COBLL1: variants seen among roughly 807,000 people sequenced by gnomAD.
The protein encoded by COBLL1 is cordon-bleu WH2 repeat protein like 1.
A neutral mutation model predicts 94.8 loss-of-function variants in COBLL1; 50 were observed. The ratio of observed to expected loss-of-function variants is 0.53; its 90% CI spans 0.42 to 0.67. COBLL1 has a LOEUF of 0.67. Ranked by LOEUF, COBLL1 falls within the 30% of genes least tolerant of loss-of-function variation. The probability of loss-of-function intolerance (pLI) is 0.00; values close to 1 mark genes in which losing one functional copy is unlikely to be tolerated. For synonymous variants in COBLL1, 448 were observed against 473.8 expected (o/e 0.95, Z 0.71); for missense variants, 1,362 against 1,348.7 (o/e 1.01, Z -0.15).
At chr2:164,818,156 GTGTA>G (rs1559045171) in intron 2 of COBLL1, among the ~76,000 whole-genome samples, 2 of 149,978 alleles carry the variant, frequency 1.3e-5, no homozygotes, top group African/African-American at 4.9e-5. Flanking sequence ...ACATGTATAC[GTGTA>G]TGTATACATG....
At chr2:164,724,664 T>C (rs1685627855) in intron 5 of COBLL1, 1 of 152,190 alleles carries the variant, frequency 6.6e-6, no homozygotes, top group Non-Finnish European at 1.5e-5. Flanking sequence ...AAATATTGTG[T>C]ATTAAAATTT....
chr2:164,758,967 A>G (rs887944834), intron 2 of COBLL1, among the ~76,000 whole-genome samples: 5 of 152,092 alleles, frequency 3.3e-5, no homozygotes, highest in Non-Finnish European at 7.4e-5. Context: ...TTAAATTTCA[A>G]ACACACACTA....
intron 1 of COBLL1, among the ~76,000 whole-genome samples, chr2:164,668,499 T>C (rs1180558894): frequency 1.3e-5 from 2 of 152,160 alleles, no homozygotes; most frequent in Non-Finnish European, 2.9e-5. Context: ...TCTCAGTTGT[T>C]TGCTGTCTTA....
chr2:164,785,024 T>G (rs980204580), intron 2 of COBLL1, among the ~76,000 whole-genome samples: 1 of 152,086 alleles, frequency 6.6e-6, no homozygotes, highest in African/African-American at 2.4e-5. Flanking sequence ...AGGCTGCAGG[T>G]GGGCTCTCTT....
intron 7 of COBLL1, among the ~76,000 whole-genome samples, chr2:164,720,040 A>T (rs1405098306): frequency 1.3e-5 from 2 of 152,166 alleles, no homozygotes; most frequent in African/African-American, 4.8e-5. Context: ...AAATATATCA[A>T]GAAGTTAGTT....
intron 1 of COBLL1, among the ~76,000 whole-genome samples, chr2:164,673,401 G>A (rs781734029): frequency 6.6e-6 from 1 of 152,088 alleles, no homozygotes; most frequent in African/African-American, 2.4e-5. Flanking sequence ...TAGGCCAGGC[G>A]CAGTGGCTCA....
intron 13 of COBLL1, among the ~76,000 whole-genome samples, 189 bp from the exon 14 acceptor site, chr2:164,686,221 T>G (rs1197867862): frequency 6.6e-6 from 1 of 152,196 alleles, no homozygotes; most frequent in Non-Finnish European, 1.5e-5. Flanking sequence ...GAGTCGTTAT[T>G]TTCACAACAA....
chr2:164,728,998 T>G (rs568471512), intron 4 of COBLL1, among the ~76,000 whole-genome samples: 6 of 151,864 alleles, frequency 4.0e-5, no homozygotes. Context: ...CTTTGTATAA[T>G]CCCACGCTAT....
At chr2:164,720,217 C>A (rs1407996043) in intron 7 of COBLL1, among the ~76,000 whole-genome samples, 2 of 151,210 alleles carry the variant, frequency 1.3e-5, no homozygotes, top group Non-Finnish European at 2.9e-5. Context: ...ATGTCCAGAT[C>A]AAAAGAAAAA....
intron 7 of COBLL1, among the ~76,000 whole-genome samples, chr2:164,720,029 C>T (rs752297617): frequency 1.3e-5 from 2 of 151,978 alleles, no homozygotes; most frequent in Non-Finnish European, 2.9e-5. Flanking sequence ...TTAACCACAT[C>T]AAATATATCA....
At chr2:164,731,572 G>T (rs916883319) in intron 3 of COBLL1, among the ~76,000 whole-genome samples, 1 of 152,134 alleles carries the variant, frequency 6.6e-6, no homozygotes, top group African/African-American at 2.4e-5. Context: ...TAAACTGTTA[G>T]TTCACACTTA....
At chr2:164,790,593 C>T (rs969057979) in intron 2 of COBLL1, among the ~76,000 whole-genome samples, 15 of 152,084 alleles carry the variant, frequency 9.9e-5, no homozygotes, top group Middle Eastern at 3.2e-3. Context: ...GAAGTTTCCA[C>T]GAACCCAGTG....
At chr2:164,746,178 A>G (rs976285997) in intron 2 of COBLL1, among the ~76,000 whole-genome samples, 1 of 152,168 alleles carries the variant, frequency 6.6e-6, no homozygotes, top group Non-Finnish European at 1.5e-5. Context: ...AAATAGACCC[A>G]GAATCCACCA....
intron 3 of COBLL1, among the ~76,000 whole-genome samples, chr2:164,737,595 A>G (rs1686372859): frequency 6.7e-6 from 1 of 149,588 alleles, no homozygotes; most frequent in Non-Finnish European, 1.5e-5. Context: ...TTTGACAGTT[A>G]AAAAAAAATT....
chr2:164,717,149 G>A (rs1685209887), intron 7 of COBLL1, among the ~76,000 whole-genome samples: 1 of 151,960 alleles, frequency 6.6e-6, no homozygotes, highest in Non-Finnish European at 1.5e-5. Flanking sequence ...TTATTAAAAT[G>A]TGCTTTGGAG....
intron 13 of COBLL1, among the ~76,000 whole-genome samples, chr2:164,691,072 T>A (rs1286963713): frequency 6.6e-6 from 1 of 152,186 alleles, no homozygotes; most frequent in African/African-American, 2.4e-5. Flanking sequence ...CACTGTAGTA[T>A]TCCCTCCTGT....
chr2:164,669,177 T>C (rs559532671), intron 1 of COBLL1, among the ~76,000 whole-genome samples: 34 of 152,226 alleles, frequency 2.2e-4, no homozygotes, highest in Non-Finnish European at 3.2e-4. Flanking sequence ...TCAGAGAGCA[T>C]AGGATTTTTA....
chr2:164,743,725 T>A lies in COBLL1; in HGVS notation c.192A>T (p.Leu64=). Residue 64 remains leucine, a synonymous_variant, in exon 3 of 14, where the codon CTA becomes CTT. Transcript: ENST00000652658. The part of the protein sequence containing the change: ...IDKDVELSVV[L]PGDIIKSTTV... Reference sequence around the variant, plus strand: ...TAGTAGATTTGATAATATCCCCAGGTAGGACCACTGAGAGTTCAACGTCTT... The same window carrying A: ...TAGTAGATTTGATAATATCCCCAGGAAGGACCACTGAGAGTTCAACGTCTT... The A allele has an allele frequency of 6.2e-7, 1 of 1,613,606 alleles. No individual in the cohort carries two copies. Among genetic ancestry groups the A allele is most frequent in the Non-Finnish European group, 8.5e-7 (1 of 1,179,720 alleles).
At chr2:164,766,379 G>C (rs1687934539) in intron 2 of COBLL1, among the ~76,000 whole-genome samples, 2 of 152,150 alleles carry the variant, frequency 1.3e-5, no homozygotes, top group African/African-American at 4.8e-5. Flanking sequence ...GGAGGTGACT[G>C]AATCATGGGG....
Sources: gnomAD v4.1 joint callset for allele counts (sites outside exome capture counted in the v4.1 genomes callset) on GRCh38, gnomAD v4.1.1 for gene constraint, MANE v1.5 for transcripts, NCBI Gene and HGNC (gene_info 2026-07-23, HGNC 2026-07-21) for gene names.